Variants in CD226 observed in about 807,000 individuals in gnomAD.
CD226 encodes the protein CD226 antigen.
CD226 carries 24 observed loss-of-function variants against 34.9 expected under a neutral mutation model. The ratio of observed to expected loss-of-function variants is 0.69; its 90% CI spans 0.50 to 0.97. The LOEUF (loss-of-function observed/expected upper bound fraction) is 0.97, where lower values mean the gene tolerates loss of function less well. Ranked by LOEUF, CD226 falls within the 50% of genes least tolerant of loss-of-function variation. CD226 has a pLI of 0.00. For missense variants in CD226, 397 were observed against 412.7 expected, an observed-to-expected ratio of 0.96 and a Z score of 0.33; for synonymous variants, 148 against 147.4, an observed-to-expected ratio of 1.00 and a Z score of -0.03.
chr18:69,895,799 G>T lies in CD226; in HGVS notation c.629C>A (p.Pro210His). 6.2e-7 allele frequency: 1 copy of T among 1,614,160 alleles called. No individual in the cohort carries two copies. The highest frequency in any genetic ancestry group is 8.5e-7 in the Non-Finnish European group (1 of 1,180,030). ...SHGRWSVIVI[P>H]DVTVSDSGLY... is the part of the protein sequence containing the mutation. Reference sequence around the variant, plus strand: ...CCCCGAGTCTGAGACTGTGACATCGGGGATGACGATGACGCTCCACCTTCC... The same window carrying T: ...CCCCGAGTCTGAGACTGTGACATCGTGGATGACGATGACGCTCCACCTTCC... The change falls in exon 3 of 6, where the codon CCC becomes CAC. Residue 210 changes from proline to histidine, a missense_variant. Transcript: ENST00000582621.
intron 2 of CD226, among the ~76,000 whole-genome samples, chr18:69,943,701 A>T (rs1206099318): frequency 6.6e-6 from 1 of 152,210 alleles, no homozygotes; most frequent in South Asian, 2.1e-4. Flanking sequence ...CTGCTGGGAC[A>T]TACGTGAAAC....
chr18:69,897,948 T>A (rs1985395055), intron 2 of CD226, among the ~76,000 whole-genome samples: 1 of 151,970 alleles, frequency 6.6e-6, no homozygotes, highest in African/African-American at 2.4e-5. Context: ...GGTAGCACTT[T>A]ACCCACATAA....
chr18:69,911,389 T>C (rs2055322586), intron 2 of CD226, among the ~76,000 whole-genome samples: 2 of 152,206 alleles, frequency 1.3e-5, no homozygotes, highest in Admixed American at 1.3e-4. Context: ...TAAAAGTCTA[T>C]TAGCCTAGCA....
At chr18:69,889,890 A>G (rs1039807049) in intron 3 of CD226, among the ~76,000 whole-genome samples, 1 of 152,232 alleles carries the variant, frequency 6.6e-6, no homozygotes, top group Non-Finnish European at 1.5e-5. Flanking sequence ...TACTAATCCC[A>G]TCCTTCTATT....
chr18:69,880,381 G>GAAGA (rs376404999), intron 3 of CD226, among the ~76,000 whole-genome samples: 1 of 143,076 alleles, frequency 7.0e-6, no homozygotes, highest in African/African-American at 2.6e-5. Context: ...AGGAAGGAAG[G>GAAGA]GGAAAGAAAG....
rs188801507 is a variant in CD226 at position 69,875,658 on chromosome 18, C to T, written c.728-2412G>A. Among the ~76,000 whole-genome samples, 11 of 152,282 alleles carry T rather than the reference C, an allele frequency of 7.2e-5. No homozygotes were observed. In the East Asian group the frequency reaches 1.9e-3, roughly 27 times the overall value. On this transcript the variant is annotated intron_variant, in intron 3 of 5. Transcript: ENST00000582621. The stretch of plus-strand genomic sequence containing the variant: ...ATGACCAGTAATGTTGAGCAGCTTT[C>T]CATATACCTATTGGCCAGTGTTATG...
chr18:69,869,686 G>T (rs985632597), intron 4 of CD226, among the ~76,000 whole-genome samples: 2 of 150,742 alleles, frequency 1.3e-5, no homozygotes, highest in Non-Finnish European at 3.0e-5. Context: ...AAATAAAAAT[G>T]AAAATAAAAA....
chr18:69,889,268 G>A (rs980164364), intron 3 of CD226, among the ~76,000 whole-genome samples: 1 of 151,922 alleles, frequency 6.6e-6, no homozygotes, highest in Non-Finnish European at 1.5e-5. Context: ...CTGGGATTCT[G>A]GTCGTGTTGC....
At chr18:69,894,062 G>A (rs1295774883) in intron 3 of CD226, among the ~76,000 whole-genome samples, 1 of 151,384 alleles carries the variant, frequency 6.6e-6, no homozygotes, top group African/African-American at 2.4e-5. Flanking sequence ...GTGGAAGGGA[G>A]AAGGGAAGGA....
chr18:69,929,277 C>A (rs1024769414), intron 2 of CD226, among the ~76,000 whole-genome samples: 7 of 152,148 alleles, frequency 4.6e-5, no homozygotes, highest in Non-Finnish European at 1.0e-4. Flanking sequence ...CACTTGTTTG[C>A]AAACTGTGGT....
chr18:69,958,615 G>C (rs1358686863), upstream of CD226, among the ~76,000 whole-genome samples: 3 of 152,138 alleles, frequency 2.0e-5, no homozygotes, highest in African/African-American at 7.2e-5. Context: ...TCACAATAGG[G>C]TGAATGCAAA....
At chr18:69,898,420 G>A (rs895389063) in intron 2 of CD226, among the ~76,000 whole-genome samples, 3 of 152,120 alleles carry the variant, frequency 2.0e-5, no homozygotes, top group Admixed American at 6.5e-5. Flanking sequence ...TGAACCTGCC[G>A]ACTCAGGTAG....
chr18:69,883,600 A>G (rs1374022915), intron 3 of CD226, among the ~76,000 whole-genome samples: 1 of 152,246 alleles, frequency 6.6e-6, no homozygotes, highest in Non-Finnish European at 1.5e-5. Context: ...CCATCTAAAA[A>G]TGATAATTTA....
chr18:69,880,631 AG>A, intron 3 of CD226, among the ~76,000 whole-genome samples: 1 of 147,474 alleles, frequency 6.8e-6, no homozygotes, highest in Non-Finnish European at 1.5e-5. Context: ...CAGATACACG[AG>A]GGGAATAAGT....
At chr18:69,909,602 G>C (rs1447343830) in intron 2 of CD226, among the ~76,000 whole-genome samples, 1 of 152,186 alleles carries the variant, frequency 6.6e-6, no homozygotes, top group Admixed American at 6.5e-5. Context: ...GCTATTAGCA[G>C]GGATAGTTGT....
Position 69,867,370 on chromosome 18 carries a change from C to T in CD226, c.872G>A (p.Trp291Ter). ...RERRDLFTES[W>*]DTQKAPNNYR... is the part of the protein sequence containing the mutation. ...GTATAAACTTACCTTCTGTGTATCC[C>T]AGGACTCTGTAAATAGATCTCTTCT... The change falls in exon 5 of 6, where the codon TGG becomes TAG. Residue 291 changes from tryptophan (W) to a stop codon, truncating the protein, a stop_gained. Transcript: ENST00000582621. LOFTEE classifies it low-confidence loss of function (END_TRUNC). The T allele has an allele frequency of 6.3e-7, 1 of 1,596,194 alleles. No individual in the cohort carries two copies. Among genetic ancestry groups the T allele is most frequent in the Non-Finnish European group, 8.6e-7 (1 of 1,163,976 alleles).
intron 2 of CD226, among the ~76,000 whole-genome samples, chr18:69,946,223 G>T (rs1199059858): frequency 3.1e-4 from 34 of 109,772 alleles, no homozygotes; most frequent in Non-Finnish European, 4.7e-4. Flanking sequence ...GAAGAAGAAA[G>T]AAAGACAGGA....
chr18:69,928,179 A>G (rs1359677194), intron 2 of CD226, among the ~76,000 whole-genome samples: 3 of 152,238 alleles, frequency 2.0e-5, no homozygotes, highest in Non-Finnish European at 4.4e-5. Context: ...CACTTACTCG[A>G]AAGTACTCAT....
chr18:69,955,986 G>C lies in CD226; in HGVS notation c.-28+769C>G, dbSNP rs151205466. 5.1e-3 allele frequency among the ~76,000 whole-genome samples: 774 copies of C among 151,674 alleles called. 7 individuals are homozygous for C. The highest frequency in any genetic ancestry group is 0.018 in the African/African-American group (727 of 41,388). ...GGCCACATGGTCTCCTCTAGACCAC[G>C]ATACCCTTAGAACCTTGGCAAGTCA... On this transcript the variant is annotated intron_variant, in intron 1 of 6. Transcript: ENST00000280200.
Sources: gnomAD v4.1 joint callset for allele counts (sites outside exome capture counted in the v4.1 genomes callset) on GRCh38, gnomAD v4.1.1 for gene constraint, MANE v1.5 for transcripts, NCBI Gene and HGNC (gene_info 2026-07-23, HGNC 2026-07-21) for gene names.